The following THSD7A variants were observed in gnomAD, a reference collection of about 807,000 sequenced individuals.
THSD7A encodes thrombospondin type-1 domain-containing protein 7A.
Under a neutral mutation model 231.3 loss-of-function variants are expected in THSD7A, and 96 were observed. The observed-to-expected ratio is 0.41, with a 90% CI of 0.35 to 0.49. The LOEUF (loss-of-function observed/expected upper bound fraction) is 0.49, where lower values mean the gene tolerates loss of function less well. Among genes scored for constraint, THSD7A ranks in the 20% least tolerant of loss-of-function variants. THSD7A has a pLI of 0.05. For synonymous variants in THSD7A, 940 were observed against 743.3 expected, an observed-to-expected ratio of 1.26 and a Z score of -4.30; for missense variants, 2,290 against 2,070.2, an observed-to-expected ratio of 1.11 and a Z score of -2.06.
chr7:11,502,733 G>C (rs1427815411), intron 6 of THSD7A, among the ~76,000 whole-genome samples: 1 of 151,880 alleles, frequency 6.6e-6, no homozygotes, highest in African/African-American at 2.4e-5. Context: ...AAAATACCTA[G>C]GAATACAGCC....
At chr7:11,403,748 C>T (rs900821124) in intron 22 of THSD7A, among the ~76,000 whole-genome samples, 3 of 152,128 alleles carry the variant, frequency 2.0e-5, no homozygotes, top group Non-Finnish European at 4.4e-5. Flanking sequence ...CTAAGTAATA[C>T]ATGTCAGGCT....
intron 2 of THSD7A, among the ~76,000 whole-genome samples, chr7:11,635,238 A>G (rs1471943616): frequency 1.3e-5 from 2 of 151,486 alleles, no homozygotes; most frequent in African/African-American, 2.5e-5. Context: ...AATCTGATAT[A>G]CAATTCTTAC....
chr7:11,733,192 G>T (rs184447362), intron 1 of THSD7A, among the ~76,000 whole-genome samples: 1 of 151,894 alleles, frequency 6.6e-6, no homozygotes. Context: ...GTTTCCTATT[G>T]AAGCAACTGA....
chr7:11,565,783 T>A (rs1790287780), intron 4 of THSD7A, among the ~76,000 whole-genome samples: 1 of 152,180 alleles, frequency 6.6e-6, no homozygotes, highest in Admixed American at 6.5e-5. Flanking sequence ...CTTTGCTACA[T>A]ACAAAATTGC....
Position 11,412,636 on chromosome 7 carries a change from T to C in THSD7A, c.3682+20A>G. On this transcript the variant is annotated intron_variant, in intron 18 of 27. Transcript: ENST00000423059. ...ACAGGATTTGGACTTAACTCCGTGATCAGATGATGATCCATGTACCTGTTA... is the reference window on the plus strand; with the variant it reads ...ACAGGATTTGGACTTAACTCCGTGACCAGATGATGATCCATGTACCTGTTA... 6.2e-7 allele frequency: 1 copy of C among 1,613,254 alleles called. No individual in the cohort carries two copies. The highest frequency in any genetic ancestry group is 1.7e-5 in the Admixed American group (1 of 59,992).
rs371706349 is a variant in THSD7A, at chr7:11,616,891, G to T, written c.1022+19239C>A. Among the ~76,000 whole-genome samples the T allele has an allele frequency of 2.6e-5, 4 of 151,996 alleles. No homozygotes were observed. The East Asian group carries it at 7.7e-4, about 29-fold the overall frequency. On this transcript the variant is annotated intron_variant, in intron 2 of 27. Coordinates refer to ENST00000423059, the MANE Select transcript of THSD7A (RefSeq NM_015204.3). ...AGGCTGTTAATCCTCACAAGTTTTT[G>T]ATTTTATTGTGTACAGAATCATTCA...
intron 1 of THSD7A, among the ~76,000 whole-genome samples, chr7:11,700,022 G>C (rs894834489): frequency 1.3e-5 from 2 of 151,086 alleles, no homozygotes; most frequent in Non-Finnish European, 3.0e-5. Context: ...AAAGTTATTT[G>C]GTAATAGTAT....
At chr7:11,442,892 A>G (rs771005899) in intron 13 of THSD7A, among the ~76,000 whole-genome samples, 2 of 152,056 alleles carry the variant, frequency 1.3e-5, no homozygotes, top group Non-Finnish European at 2.9e-5. Flanking sequence ...AGTCAATGTC[A>G]TCATGGATTC....
intron 4 of THSD7A, among the ~76,000 whole-genome samples, chr7:11,587,412 T>C (rs1779954644): frequency 6.6e-6 from 1 of 152,134 alleles, no homozygotes; most frequent in Non-Finnish European, 1.5e-5. Flanking sequence ...CTGAATATTG[T>C]GGGGGAATAG....
chr7:11,387,030 GTGT>G (rs1262660181), intron 23 of THSD7A, among the ~76,000 whole-genome samples: 2 of 152,092 alleles, frequency 1.3e-5, no homozygotes, highest in Non-Finnish European at 2.9e-5. Context: ...TAGATGTGTG[GTGT>G]TATTTCTGAG....
intron 17 of THSD7A, among the ~76,000 whole-genome samples, chr7:11,413,265 T>A (rs1027955991): frequency 6.6e-6 from 1 of 151,888 alleles, no homozygotes; most frequent in Non-Finnish European, 1.5e-5. Flanking sequence ...TAATTCTAAA[T>A]CCTAATTTTA....
chr7:11,584,224 A>T (rs1179325570), intron 4 of THSD7A, among the ~76,000 whole-genome samples: 1 of 152,170 alleles, frequency 6.6e-6, no homozygotes, highest in Non-Finnish European at 1.5e-5. Flanking sequence ...GTTAGTCAAG[A>T]CCTCAGTTCT....
chr7:11,404,195 T>C (rs1432746572), intron 22 of THSD7A, among the ~76,000 whole-genome samples: 4 of 152,212 alleles, frequency 2.6e-5, no homozygotes, highest in Non-Finnish European at 5.9e-5. Flanking sequence ...CATTAGAAAG[T>C]AAGCTGTACA....
Position 11,474,590 on chromosome 7 carries a change from G to A in THSD7A, c.2018-22C>T, listed in dbSNP as rs377506314. The A allele has an allele frequency of 2.6e-5, 41 of 1,567,160 alleles. No individual in the cohort carries two copies. Among genetic ancestry groups the A allele is most frequent in the Non-Finnish European group, 3.5e-5 (40 of 1,145,088 alleles). On this transcript the variant is annotated intron_variant, in intron 7 of 27. Coordinates refer to ENST00000423059, the MANE Select transcript of THSD7A (RefSeq NM_015204.3). This position sits in a 1 kb window ranked among gnomAD's most constrained non-coding sequence, Gnocchi z 4.1. The stretch of plus-strand genomic sequence containing the variant: ...CCACCTAAAAACATGGACAATGATA[G>A]CAAATTAGATACGGTGCCAACAGGA...
intron 13 of THSD7A, among the ~76,000 whole-genome samples, chr7:11,443,671 AGATT>A (rs1423021221): frequency 6.6e-6 from 1 of 151,938 alleles, no homozygotes; most frequent in Non-Finnish European, 1.5e-5. Flanking sequence ...AAGGATCTGG[AGATT>A]GATTGCCCAA....
chr7:11,516,743 A>G (rs1788046306), intron 6 of THSD7A, among the ~76,000 whole-genome samples: 1 of 152,232 alleles, frequency 6.6e-6, no homozygotes, highest in South Asian at 2.1e-4. Flanking sequence ...TAAATATAAA[A>G]TGTTATTTGA....
chr7:11,410,149 A>ATACAT (rs1450870614), intron 19 of THSD7A, among the ~76,000 whole-genome samples: 7 of 152,258 alleles, frequency 4.6e-5, no homozygotes, highest in Non-Finnish European at 1.0e-4. Flanking sequence ...TAAATAATGA[A>ATACAT]TACATTAGGT....
At chr7:11,376,387 C>A (rs1782274002) in intron 27 of THSD7A, among the ~76,000 whole-genome samples, 183 bp downstream of exon 27, 3 of 152,050 alleles carry the variant, frequency 2.0e-5, no homozygotes, top group Admixed American at 6.6e-5. Context: ...AGCTCTTGCT[C>A]ATCTTTAGAA....
intron 16 of THSD7A, 87 bp downstream of exon 16, chr7:11,424,609 G>C (rs1356107041): frequency 3.7e-5 from 58 of 1,550,734 alleles, no homozygotes; most frequent in Non-Finnish European, 4.6e-5. Context: ...CAGAAGACTG[G>C]GGAGGAGTGA....
Sources: allele counts gnomAD v4.1 joint callset (sites outside exome capture counted in the v4.1 genomes callset), GRCh38; gene constraint gnomAD v4.1.1; non-coding constraint Gnocchi (gnomAD v3.1); transcripts MANE v1.5; gene names NCBI Gene and HGNC (gene_info 2026-07-23, HGNC 2026-07-21).